CALCRL: variants seen among roughly 807,000 people sequenced by gnomAD.
The protein encoded by CALCRL is calcitonin gene-related peptide type 1 receptor.
In CALCRL, 27 loss-of-function variants were observed where a neutral mutation model predicts 60.4. The observed-to-expected ratio is 0.45, with a 90% CI of 0.33 to 0.62. The LOEUF (loss-of-function observed/expected upper bound fraction) is 0.62, where lower values mean the gene tolerates loss of function less well. Ranked by LOEUF, CALCRL falls within the 20% of genes least tolerant of loss-of-function variation. The pLI is 0.03. For synonymous variants in CALCRL, 190 were observed against 182.6 expected (o/e 1.04, Z -0.33); for missense variants, 424 against 540.7 (o/e 0.78, Z 2.14).
Position 187,370,891 on chromosome 2 carries a change from G to A in CALCRL, c.501-7389C>T, listed in dbSNP as rs1189329726. Among the ~76,000 whole-genome samples, 4 of 152,174 alleles carry A rather than the reference G, an allele frequency of 2.6e-5. No individual in the cohort carries two copies. In the South Asian group the frequency reaches 8.3e-4, roughly 32 times the overall value. ...ACCTCTCACAACATTCAGTTGGAGAGGGATGGATTTTTATGTACACTAACT... is the reference window on the plus strand; with the variant it reads ...ACCTCTCACAACATTCAGTTGGAGAAGGATGGATTTTTATGTACACTAACT... On this transcript the variant is annotated intron_variant, in intron 8 of 14. Transcript: ENST00000392370.
intron 10 of CALCRL, 121 bp downstream of exon 10, chr2:187,360,477 A>T: frequency 3.7e-6 from 3 of 820,856 alleles, no homozygotes; most frequent in Non-Finnish European, 5.4e-6. Flanking sequence ...AGCAAAAGTT[A>T]ATCACCTGAT....
In CALCRL at chr2:187,351,976, T is replaced by C. The variant is rs773496859; in HGVS notation, c.1129-15A>G. ...ACCAAAAGACCCTGTAAAAGAAAAA[T>C]AGAATGATCTGAATCCAAATGGAAA... On this transcript the variant is annotated splice_polypyrimidine_tract_variant and intron_variant, in intron 13 of 14. Transcript: ENST00000392370. 6.3e-6 allele frequency: 10 copies of C among 1,595,416 alleles called. No individual in the cohort carries two copies. Among genetic ancestry groups the C allele is most frequent in the African/African-American group, 5.4e-5 (4 of 74,142 alleles).
At chr2:187,406,171 C>A (rs1306192504) in intron 1 of CALCRL, among the ~76,000 whole-genome samples, 6 of 137,768 alleles carry the variant, frequency 4.4e-5, no homozygotes, top group East Asian at 2.3e-4. Context: ...ACAAAACAAA[C>A]CAAACCAAAC....
In CALCRL at chr2:187,383,364, T is replaced by A. The variant is rs57373294; in HGVS notation, c.52-59A>T. 809 of 1,436,610 alleles carry A rather than the reference T, an allele frequency of 5.6e-4. 6 individuals carry two copies. The African/African-American group carries it at 0.011, about 19-fold the overall frequency. The allele number at this position is 1,436,610 out of a possible 1,614,324, so 89.0% of individuals were successfully genotyped here. The stretch of plus-strand genomic sequence containing the variant: ...ATGAAAAGGATTATGAAAATGTGTT[T>A]GTCAAAGGCAGTCTGTCACAGTAGA... On this transcript the variant is annotated intron_variant, in intron 4 of 14. Transcript: ENST00000392370.
chr2:187,374,870 C>T (rs1687679750), intron 8 of CALCRL, among the ~76,000 whole-genome samples: 1 of 152,024 alleles, frequency 6.6e-6, no homozygotes, highest in African/African-American at 2.4e-5. Flanking sequence ...ACACACACAT[C>T]CCTGGGGCTT....
chr2:187,372,447 C>G (rs1360425710), intron 8 of CALCRL, among the ~76,000 whole-genome samples: 1 of 151,994 alleles, frequency 6.6e-6, no homozygotes, highest in African/African-American at 2.4e-5. Flanking sequence ...CCTCTCTGTT[C>G]CCTTTCTTTT....
chr2:187,359,346 ATACAAAAAT>A, intron 10 of CALCRL, 74 bp from the exon 11 acceptor site: 1 of 1,102,650 alleles, frequency 9.1e-7, no homozygotes, highest in Admixed American at 2.8e-5. Context: ...ATGTAATTAA[ATACAAAAAT>A]TCAAAGATAC....
At chr2:187,420,861 T>C (rs1204394707) in intron 1 of CALCRL, among the ~76,000 whole-genome samples, 1 of 152,180 alleles carries the variant, frequency 6.6e-6, no homozygotes, top group African/African-American at 2.4e-5. Flanking sequence ...ATTGGATACT[T>C]TGCATGAGTT....
At chr2:187,425,491 A>T (rs1574311693) in intron 1 of CALCRL, among the ~76,000 whole-genome samples, 1 of 151,898 alleles carries the variant, frequency 6.6e-6, no homozygotes, top group South Asian at 2.1e-4. Context: ...TTTCCATCTG[A>T]TACATGTAAT....
rs1686925395 is a variant in CALCRL, at chr2:187,358,983, G to A, written c.909+80C>T. On this transcript the variant is annotated intron_variant, in intron 12 of 14. Transcript: ENST00000392370. ...GTCCATCTGTGTCCACTGGGACCCT[G>A]AAGGATACCATAGGCCAGATGATTC... is the stretch of plus-strand genomic sequence containing the variant. The A allele has an allele frequency of 2.8e-5, 32 of 1,144,220 alleles. 1 individual carries two copies. In the South Asian group the frequency reaches 3.8e-4, roughly 14 times the overall value. The allele number at this position is 1,144,220 out of a possible 1,614,324, so 70.9% of individuals were successfully genotyped here. A position where few individuals can be genotyped will look rare whatever the true frequency, so the allele number is the denominator to read the frequency against.
rs1199773043 is a variant in CALCRL, at chr2:187,343,955, C to A, written c.*2229G>T. The A allele has an allele frequency of 6.6e-6, 1 of 151,416 alleles. No homozygotes were observed. Among genetic ancestry groups the A allele is most frequent in the Non-Finnish European group, 1.5e-5 (1 of 67,564 alleles). 9.4% of individuals were successfully genotyped at this position (151,416 alleles called of 1,614,324 possible). ...TAGAATTAATATTATAAAAGCACAACAAAAATACTTGAAAATTACATGTTT... is the reference window on the plus strand; with the variant it reads ...TAGAATTAATATTATAAAAGCACAAAAAAAATACTTGAAAATTACATGTTT... On this transcript the variant is annotated 3_prime_UTR_variant, in exon 15 of 15. Transcript: ENST00000392370.
intron 9 of CALCRL, among the ~76,000 whole-genome samples, chr2:187,362,922 A>C (rs532834443): frequency 4.6e-5 from 7 of 152,092 alleles, no homozygotes; most frequent in Admixed American, 1.3e-4. Flanking sequence ...AATTTATTTA[A>C]ATTTTCCATG....
At chr2:187,445,023 T>C (rs115814384) in intron 1 of CALCRL, among the ~76,000 whole-genome samples, 1,931 of 151,744 alleles carry the variant, frequency 0.013, 50 homozygotes, top group African/African-American at 0.044. Flanking sequence ...GTATGGTACA[T>C]GTACTTTGTC....
Position 187,359,029 on chromosome 2 carries a change from A to C in CALCRL, c.909+34T>G, listed in dbSNP as rs367667702. The stretch of plus-strand genomic sequence containing the variant: ...GATTCAGAAATAAAGTTGAAATGTG[A>C]GCAATGATAAGGAAAGGAGAATTTG... On this transcript the variant is annotated intron_variant, in intron 12 of 14. Transcript: ENST00000392370. The C allele has an allele frequency of 2.6e-6, 4 of 1,532,134 alleles. No homozygotes were observed. The South Asian group carries it at 4.5e-5, about 17-fold the overall frequency. The allele number at this position is 1,532,134 out of a possible 1,614,324, so 94.9% of individuals were successfully genotyped here. A position where few individuals can be genotyped will look rare whatever the true frequency, so the allele number is the denominator to read the frequency against.
chr2:187,402,420 A>AGTGTGTGT (rs59396175), intron 1 of CALCRL, among the ~76,000 whole-genome samples: 4 of 148,416 alleles, frequency 2.7e-5, no homozygotes, highest in Non-Finnish European at 6.0e-5. Context: ...TATGTTTGTG[A>AGTGTGTGT]GTGTGTGTGT....
At chr2:187,395,587 T>A (rs1688619683) in intron 1 of CALCRL, among the ~76,000 whole-genome samples, 1 of 152,074 alleles carries the variant, frequency 6.6e-6, no homozygotes, top group Non-Finnish European at 1.5e-5. Flanking sequence ...ACCCTATTTA[T>A]TGAGCATCTA....
At chr2:187,388,265 A>C (rs931868851) in intron 1 of CALCRL, among the ~76,000 whole-genome samples, 3 of 152,068 alleles carry the variant, frequency 2.0e-5, no homozygotes, top group Non-Finnish European at 2.9e-5. Context: ...TCAAGTATTA[A>C]TAGCAAGGTG....
At chr2:187,388,502 C>A (rs1034404132) in intron 1 of CALCRL, among the ~76,000 whole-genome samples, 2 of 152,038 alleles carry the variant, frequency 1.3e-5, no homozygotes, top group African/African-American at 4.8e-5. Context: ...GGGAATGATA[C>A]TGGACACTAC....
intron 1 of CALCRL, among the ~76,000 whole-genome samples, chr2:187,413,522 T>C (rs747048658): frequency 9.9e-5 from 15 of 152,120 alleles, no homozygotes; most frequent in Non-Finnish European, 1.5e-5. Flanking sequence ...ATAGAAGACA[T>C]TGTAATTTAC....
Sources: gnomAD v4.1 joint callset for allele counts (sites outside exome capture counted in the v4.1 genomes callset) on GRCh38, gnomAD v4.1.1 for gene constraint, MANE v1.5 for transcripts, NCBI Gene and HGNC (gene_info 2026-07-23, HGNC 2026-07-21) for gene names.